RBM39: variants seen among roughly 807,000 people sequenced by gnomAD.
RBM39 encodes the protein RNA binding motif protein 39.
RBM39 carries 12 observed loss-of-function variants against 79.6 expected under a neutral mutation model. The ratio of observed to expected loss-of-function variants is 0.15; its 90% CI spans 0.10 to 0.24. The LOEUF (loss-of-function observed/expected upper bound fraction) is 0.24. RBM39 is among the 10% of genes least tolerant of loss of function. RBM39 has a pLI of 1.00. For synonymous variants in RBM39, 185 were observed against 208.4 expected (o/e 0.89, Z 0.97); for missense variants, 243 against 653.4 (o/e 0.37, Z 6.85).
chr20:35,740,773 A>G (rs2040414387), intron 2 of RBM39, 51 bp downstream of exon 2: 1 of 1,546,438 alleles, frequency 6.5e-7, no homozygotes, highest in Non-Finnish European at 8.9e-7. Context: ...AGTTTCGTGA[A>G]TAATGCTAAA....
At chr20:35,721,999 C>CA in intron 8 of RBM39, 122 bp from the exon 9 acceptor site, 1 of 1,091,456 alleles carries the variant, frequency 9.2e-7, no homozygotes, top group African/African-American at 1.6e-5. Flanking sequence ...CTACGTAAGT[C>CA]AGATACTACA....
intron 6 of RBM39, among the ~76,000 whole-genome samples, chr20:35,727,182 C>CA (rs57007891): frequency 3.3e-4 from 48 of 146,084 alleles, no homozygotes; most frequent in East Asian, 1.0e-3. Context: ...CTTGTCTCTA[C>CA]AAAAAAAAAA....
intron 6 of RBM39, among the ~76,000 whole-genome samples, chr20:35,729,104 T>C (rs1026575564): frequency 6.6e-6 from 1 of 151,752 alleles, no homozygotes; most frequent in African/African-American, 2.4e-5. Flanking sequence ...AATAAATAAA[T>C]ATATAACTGT....
chr20:35,732,252 C>A, intron 3 of RBM39, 117 bp from the exon 4 acceptor site: 1 of 938,602 alleles, frequency 1.1e-6, no homozygotes, highest in Non-Finnish European at 1.6e-6. Context: ...GCTAGTTTTA[C>A]TATGATACAA....
rs2035338250 is a variant in RBM39, at chr20:35,702,626, CTG to C, written c.*1853_*1854del. 2 of 152,370 alleles carry C rather than the reference CTG, an allele frequency of 1.3e-5. No individual in the cohort carries two copies. Among genetic ancestry groups the C allele is most frequent in the Middle Eastern group, 3.4e-3 (1 of 294 alleles). 9.4% of individuals were successfully genotyped at this position (152,370 alleles called of 1,614,324 possible). A position where few individuals can be genotyped will look rare whatever the true frequency, so the allele number is the denominator to read the frequency against. On this transcript the variant is annotated 3_prime_UTR_variant, in exon 17 of 17. Coordinates refer to ENST00000253363, the MANE Select transcript of RBM39 (RefSeq NM_184234.3). ...TCTCTGCCCCAAAGAACTCTGCAGT[CTG>C]GTATTGAAAAGTAAATTTTCAATGA...
intron 10 of RBM39, 37 bp downstream of exon 10, chr20:35,716,703 A>G: frequency 7.5e-7 from 1 of 1,338,136 alleles, no homozygotes; most frequent in South Asian, 1.3e-5. Context: ...TTAAAAAAAA[A>G]AAAACCCTAA....
intron 15 of RBM39, 101 bp from the exon 16 acceptor site, chr20:35,704,847 C>A (rs1030125592): frequency 7.5e-6 from 7 of 937,222 alleles, no homozygotes; most frequent in Middle Eastern, 3.4e-4. Context: ...TGCTCTATAA[C>A]CACAAACTGG....
intron 8 of RBM39, among the ~76,000 whole-genome samples, chr20:35,724,124 G>A (rs185074701): frequency 6.6e-6 from 1 of 152,052 alleles, no homozygotes; most frequent in East Asian, 1.9e-4. Flanking sequence ...CTGAGGTCAG[G>A]AGTTCAATAC....
At chr20:35,741,544 C>T (rs2040534954) in intron 1 of RBM39, 1 of 152,256 alleles carries the variant, frequency 6.6e-6, no homozygotes, top group African/African-American at 2.4e-5. Flanking sequence ...CTGCTGTCAA[C>T]TCCAAAAACA....
intron 2 of RBM39, chr20:35,740,471 TGA>T: frequency 9.1e-7 from 1 of 1,102,958 alleles, no homozygotes; most frequent in Non-Finnish European, 1.2e-6. Flanking sequence ...AATTCTTAGT[TGA>T]GTCATTTTAC....
chr20:35,734,046 TATC>T, intron 3 of RBM39: 1 of 268,946 alleles, frequency 3.7e-6, no homozygotes, highest in East Asian at 9.2e-5. Context: ...GACAATTCTG[TATC>T]ATTATCTGGA....
chr20:35,713,736 G>C (rs1260328341), intron 11 of RBM39: 1 of 142,238 alleles, frequency 7.0e-6, no homozygotes, highest in South Asian at 2.3e-4. Flanking sequence ...GTGGTTGTTT[G>C]CAACTGTTAG....
chr20:35,727,968 A>G (rs1191561266), intron 6 of RBM39, among the ~76,000 whole-genome samples: 1 of 151,918 alleles, frequency 6.6e-6, no homozygotes, highest in Non-Finnish European at 1.5e-5. Context: ...TTGTAGTTTT[A>G]GTAGAGGCAG....
intron 4 of RBM39, among the ~76,000 whole-genome samples, chr20:35,730,928 G>A (rs1304611611): frequency 6.6e-6 from 1 of 152,088 alleles, no homozygotes; most frequent in Non-Finnish European, 1.5e-5. Context: ...AGATAAAAGA[G>A]CCAGAATCGG....
At chr20:35,733,600 CTG>C (rs2039607741) in intron 3 of RBM39, among the ~76,000 whole-genome samples, 1 of 149,918 alleles carries the variant, frequency 6.7e-6, no homozygotes, top group Non-Finnish European at 1.5e-5. Flanking sequence ...CAGAGCAAGA[CTG>C]TCTCCAAAAA....
At chr20:35,729,007 C>T (rs960451748) in intron 6 of RBM39, among the ~76,000 whole-genome samples, 5 of 152,026 alleles carry the variant, frequency 3.3e-5, no homozygotes, top group African/African-American at 7.3e-5. Context: ...ACCCAGGAGG[C>T]GGAGGTTGCA....
In RBM39 at chr20:35,703,028, T is replaced by C. The variant is rs1380575507; in HGVS notation, c.*1453A>G. 1 of 152,112 alleles carries C rather than the reference T, an allele frequency of 6.6e-6. No homozygotes were observed. The highest frequency in any genetic ancestry group is 1.5e-5 in the Non-Finnish European group (1 of 68,012). 9.4% of individuals were successfully genotyped at this position (152,112 alleles called of 1,614,324 possible). A position where few individuals can be genotyped will look rare whatever the true frequency, so the allele number is the denominator to read the frequency against. On this transcript the variant is annotated 3_prime_UTR_variant, in exon 17 of 17. Coordinates refer to ENST00000253363, the MANE Select transcript of RBM39 (RefSeq NM_184234.3). ...AAATTCTGAATAAGCCTGTAAAACTTGTGCTTCAATGCTAACAAAAAAAAA... is the reference window on the plus strand; with the variant it reads ...AAATTCTGAATAAGCCTGTAAAACTCGTGCTTCAATGCTAACAAAAAAAAA...
intron 14 of RBM39, 126 bp from the exon 15 acceptor site, chr20:35,705,456 C>A (rs2035602627): frequency 1.7e-6 from 1 of 600,110 alleles, no homozygotes; most frequent in Non-Finnish European, 2.8e-6. Context: ...AGCACATTGA[C>A]AGAACGTCTC....
In RBM39 at chr20:35,737,314, C is replaced by T. The variant is rs374517434; in HGVS notation, c.101+1654G>A. ...CTGAGGCGGAAGAATCGCTTAAGCCCGGGTGGCAGAGGTTGCAGTGAGCCA... is the reference window on the plus strand; with the variant it reads ...CTGAGGCGGAAGAATCGCTTAAGCCTGGGTGGCAGAGGTTGCAGTGAGCCA... On this transcript the variant is annotated intron_variant, in intron 3 of 16. Coordinates refer to ENST00000253363, the MANE Select transcript of RBM39 (RefSeq NM_184234.3). 8.7e-4 allele frequency among the ~76,000 whole-genome samples: 130 copies of T among 149,630 alleles called. 4 individuals are homozygous for T. In the South Asian group the frequency reaches 0.019, roughly 22 times the overall value.
Sources: gnomAD v4.1 joint callset for allele counts (sites outside exome capture counted in the v4.1 genomes callset) on GRCh38, gnomAD v4.1.1 for gene constraint, MANE v1.5 for transcripts, NCBI Gene and HGNC (gene_info 2026-07-23, HGNC 2026-07-21) for gene names.